The following FSTL4 variants were observed in gnomAD, a reference collection of about 807,000 sequenced individuals.
FSTL4 encodes follistatin like 4, also known as follistatin-related protein 4.
FSTL4 carries 28 observed loss-of-function variants against 78.2 expected under a neutral mutation model. The ratio of observed to expected loss-of-function variants is 0.36; its 90% CI spans 0.27 to 0.49. The LOEUF is 0.49. Ranked by LOEUF, FSTL4 falls within the 20% of genes least tolerant of loss-of-function variation. The pLI, the probability that FSTL4 is intolerant of heterozygous loss-of-function variation, is 0.98. For synonymous variants in FSTL4, 422 were observed against 440.5 expected (o/e 0.96, Z 0.53); for missense variants, 922 against 1,084.9 (o/e 0.85, Z 2.11).
At chr5:133,368,902 G>T (rs767775320) in intron 4 of FSTL4, among the ~76,000 whole-genome samples, 7 of 152,218 alleles carry the variant, frequency 4.6e-5, no homozygotes, top group Non-Finnish European at 7.3e-5. Context: ...ACTGAATAAA[G>T]ATCAGCTGGC....
chr5:133,495,672 G>T (rs1390418688), intron 3 of FSTL4, among the ~76,000 whole-genome samples: 3 of 152,100 alleles, frequency 2.0e-5, no homozygotes, highest in African/African-American at 7.2e-5. Context: ...GGACCACTCC[G>T]GGGCCTAACG....
At chr5:133,774,738 T>C in the FSTL4 span, among the ~76,000 whole-genome samples, 1 of 152,216 alleles carries the variant, frequency 6.6e-6, no homozygotes. Flanking sequence ...ACCCTCTTAT[T>C]CTCTGTCATA....
At chr5:133,794,522 C>T in the FSTL4 span, among the ~76,000 whole-genome samples, 1 of 152,182 alleles carries the variant, frequency 6.6e-6, no homozygotes, top group East Asian at 1.9e-4. Context: ...TAAGTGAGCC[C>T]TTTCTTCCAA....
rs75310044 is a variant in FSTL4, at chr5:133,427,643, A to C, written c.161-26657T>G. ...ATGCAGATTCCTGGACTCCACACCC[A>C]GTGACTCTGTTCAGTAGTTCTGAGG... On this transcript the variant is annotated intron_variant, in intron 3 of 15. Coordinates refer to ENST00000265342, the MANE Select transcript of FSTL4 (RefSeq NM_015082.2). The C allele has an allele frequency of 3.0e-3, 1,593 of 530,860 alleles. 25 individuals carry two copies. The highest frequency in any genetic ancestry group is 0.025 in the African/African-American group (1,323 of 52,000). 32.9% of individuals were successfully genotyped at this position (530,860 alleles called of 1,614,324 possible).
At chr5:133,814,477 G>A in the FSTL4 span, among the ~76,000 whole-genome samples, 12 of 152,224 alleles carry the variant, frequency 7.9e-5, no homozygotes, top group Non-Finnish European at 1.5e-4. Flanking sequence ...CACCCAGCCC[G>A]GGAGCTAGGT....
At position 133,467,196 on chromosome 5, in the gene FSTL4, GTA is replaced by G. The variant is rs1757731948; in HGVS notation, c.161-66212_161-66211del. 3.3e-5 allele frequency among the ~76,000 whole-genome samples: 5 copies of G among 151,368 alleles called. No individual in the cohort carries two copies. In the South Asian group the frequency reaches 6.3e-4, roughly 19 times the overall value. On this transcript the variant is annotated intron_variant, in intron 3 of 15. Transcript: ENST00000265342. ...AGTGTGGGAGTATGCGTGTATGTGA[GTA>G]TATGAGTGTGTGAGTATATGAGGGT...
chr5:133,770,078 G>A, the FSTL4 span, among the ~76,000 whole-genome samples: 1 of 151,952 alleles, frequency 6.6e-6, no homozygotes, highest in African/African-American at 2.4e-5. Flanking sequence ...GTGTGTGTGG[G>A]TGTGTTTGTG....
chr5:133,667,748 A>G, the FSTL4 span, among the ~76,000 whole-genome samples: 1 of 152,184 alleles, frequency 6.6e-6, no homozygotes, highest in Non-Finnish European at 1.5e-5. Flanking sequence ...ATCTTTCTTC[A>G]TATTACTTAG....
chr5:133,309,284 A>G (rs1753724603), intron 6 of FSTL4, among the ~76,000 whole-genome samples: 1 of 152,140 alleles, frequency 6.6e-6, no homozygotes, highest in African/African-American at 2.4e-5. Flanking sequence ...CTGGAGAAGG[A>G]CACTGAGCCT....
At chr5:133,803,884 G>A in the FSTL4 span, among the ~76,000 whole-genome samples, 2 of 152,142 alleles carry the variant, frequency 1.3e-5, no homozygotes, top group African/African-American at 4.8e-5. Flanking sequence ...GCGCTCATGT[G>A]AGATTTGGAG....
intron 4 of FSTL4, among the ~76,000 whole-genome samples, chr5:133,333,288 A>G (rs1359602073): frequency 6.6e-6 from 1 of 152,230 alleles, no homozygotes; most frequent in African/African-American, 2.4e-5. Flanking sequence ...AGGCCAAGGA[A>G]CAGTGAGAGG....
chr5:133,400,587 G>T, intron 4 of FSTL4, 151 bp downstream of exon 4: 1 of 699,278 alleles, frequency 1.4e-6, no homozygotes, highest in Non-Finnish European at 2.4e-6. Context: ...TCACCAAAAT[G>T]CCACTGCTGC....
chr5:133,425,125 T>G (rs1756783913), intron 3 of FSTL4, among the ~76,000 whole-genome samples: 1 of 152,198 alleles, frequency 6.6e-6, no homozygotes. Flanking sequence ...CCAGACACCA[T>G]AAGGACTTGA....
chr5:133,369,906 C>A (rs570618371), intron 4 of FSTL4, among the ~76,000 whole-genome samples: 6 of 152,268 alleles, frequency 3.9e-5, no homozygotes, highest in African/African-American at 1.4e-4. Flanking sequence ...AGCTATGACA[C>A]AGGTAGAAGA....
chr5:133,709,653 C>T, the FSTL4 span, among the ~76,000 whole-genome samples: 1 of 88,800 alleles, frequency 1.1e-5, no homozygotes, highest in Non-Finnish European at 2.2e-5. Flanking sequence ...CCATCTTTTC[C>T]TTCTTCTTCT....
At chr5:133,616,309 A>AAATC (rs751031138), upstream of FSTL4, among the ~76,000 whole-genome samples, 415 of 87,314 alleles carry the variant, frequency 4.8e-3, 2 homozygotes, top group African/African-American at 0.016. Context: ...GTGAAAATCT[A>AAATC]AATCTATCTA....
the FSTL4 span, among the ~76,000 whole-genome samples, chr5:133,628,930 A>G: frequency 1.7e-5 from 2 of 120,254 alleles, 1 homozygote; most frequent in Non-Finnish European, 3.6e-5. Context: ...GCAAACAGAG[A>G]CAACTTGACT....
At chr5:133,824,755 A>T in the FSTL4 span, among the ~76,000 whole-genome samples, 3 of 152,116 alleles carry the variant, frequency 2.0e-5, no homozygotes, top group Non-Finnish European at 2.9e-5. Context: ...GCACGCAGGC[A>T]TCCTTGAGCA....
At chr5:133,784,736 G>GA in the FSTL4 span, among the ~76,000 whole-genome samples, 3,634 of 137,568 alleles carry the variant, frequency 0.026, 149 homozygotes, top group African/African-American at 0.089. Flanking sequence ...ATTCCCTTAA[G>GA]AAAAAAAAAA....
Sources: allele counts gnomAD v4.1 joint callset (sites outside exome capture counted in the v4.1 genomes callset), GRCh38; gene constraint gnomAD v4.1.1; transcripts MANE v1.5; gene names NCBI Gene and HGNC (gene_info 2026-07-23, HGNC 2026-07-21).